MYOM1: variants seen among roughly 807,000 people sequenced by gnomAD.
MYOM1 encodes the protein myomesin-1.
Under a neutral mutation model 205.3 loss-of-function variants are expected in MYOM1, and 164 were observed. The observed-to-expected ratio is 0.80, with a 90% confidence interval of 0.70 to 0.91. MYOM1 has a LOEUF of 0.91. MYOM1 is among the 40% of genes least tolerant of loss of function. The pLI is 0.00. For missense variants in MYOM1, 2,011 were observed against 2,127.3 expected, an observed-to-expected ratio of 0.95 and a Z score of 1.08; for synonymous variants, 772 against 789.4, an observed-to-expected ratio of 0.98 and a Z score of 0.37.
At chr18:3,150,834 A>G (rs2080208022) in intron 12 of MYOM1, among the ~76,000 whole-genome samples, 2 of 152,094 alleles carry the variant, frequency 1.3e-5, no homozygotes, top group Admixed American at 1.3e-4. Context: ...GTTATTATTG[A>G]GACAGGGTCT....
In MYOM1 at chr18:3,094,291, G is replaced by A; in HGVS notation, c.3743C>T (p.Ser1248Leu). The A allele has an allele frequency of 6.2e-7, 1 of 1,601,128 alleles. No homozygotes were observed. The highest frequency in any genetic ancestry group is 8.5e-7 in the Non-Finnish European group (1 of 1,172,782). ...EHKFPTVPVK[S>L]ELAVEILEKG... Reference sequence around the variant, plus strand: ...CTCCAAAATTTCAACTGCCAACTCTGATTTAACTGGGACAGCTATGAAAAG... The same window carrying A: ...CTCCAAAATTTCAACTGCCAACTCTAATTTAACTGGGACAGCTATGAAAAG... Residue 1248 changes from serine to leucine, a missense_variant, in exon 26 of 38, where the codon TCA (serine) becomes TTA (leucine). Transcript: ENST00000356443.
At chr18:3,169,468 T>C (rs1346608813) in intron 8 of MYOM1, among the ~76,000 whole-genome samples, 2 of 152,096 alleles carry the variant, frequency 1.3e-5, no homozygotes, top group Non-Finnish European at 2.9e-5. Context: ...AGCAAAAAAT[T>C]CAAGTAATCC....
rs1256638879 is a variant in MYOM1, at chr18:3,168,813, T to G, written c.1339+4A>C. 4 of 1,613,800 alleles carry G rather than the reference T, an allele frequency of 2.5e-6. No individual in the cohort carries two copies. In the South Asian group the frequency reaches 3.3e-5, roughly 13 times the overall value. On this transcript the variant is annotated splice_donor_region_variant and intron_variant, in intron 9 of 37. Transcript: ENST00000356443. ...CTAAGTGAGCATTCATTGTAAAGACTCACCGTTTCTGTACCACTGGATCTC... is the reference window on the plus strand; with the variant it reads ...CTAAGTGAGCATTCATTGTAAAGACGCACCGTTTCTGTACCACTGGATCTC...
upstream of MYOM1, among the ~76,000 whole-genome samples, chr18:3,220,279 G>C (rs1457044591): frequency 1.3e-5 from 2 of 152,166 alleles, no homozygotes; most frequent in South Asian, 4.1e-4. Context: ...GGACTTCGTG[G>C]AATTTTAATG....
In MYOM1 at chr18:3,218,296, T is replaced by A. The variant is rs180987502; in HGVS notation, c.-29+1507A>T. On this transcript the variant is annotated intron_variant, in intron 1 of 37. Coordinates refer to ENST00000356443, the MANE Select transcript of MYOM1 (RefSeq NM_003803.4). Reference sequence around the variant, plus strand: ...ATCTGTTTTCTCCAAATGTCATTTTTAAAAAAATTCAAAATGAAGAATGAA... The same window carrying A: ...ATCTGTTTTCTCCAAATGTCATTTTAAAAAAAATTCAAAATGAAGAATGAA... Among the ~76,000 whole-genome samples, 17 of 152,372 alleles carry A rather than the reference T, an allele frequency of 1.1e-4. No individual in the cohort carries two copies. In the East Asian group the frequency reaches 2.5e-3, roughly 22 times the overall value.
chr18:3,187,686 T>A (rs1402393896), intron 4 of MYOM1, 49 bp from the exon 5 acceptor site: 1 of 1,493,056 alleles, frequency 6.7e-7, no homozygotes, highest in Non-Finnish European at 9.0e-7. Flanking sequence ...TACCAATAAA[T>A]CAAAGTGAAT....
At chr18:3,075,243 T>G (rs1416230274) in intron 36 of MYOM1, among the ~76,000 whole-genome samples, 1 of 152,168 alleles carries the variant, frequency 6.6e-6, no homozygotes, top group Non-Finnish European at 1.5e-5. Context: ...AAGGGTAGGG[T>G]GACATTCTTT....
intron 19 of MYOM1, among the ~76,000 whole-genome samples, chr18:3,120,970 G>A (rs1375148827): frequency 6.6e-6 from 1 of 152,064 alleles, no homozygotes; most frequent in Non-Finnish European, 1.5e-5. Flanking sequence ...ACAAGAGATG[G>A]AAAATACAGT....
At position 3,076,903 on chromosome 18, in the gene MYOM1, G is replaced by A. The variant is rs142715783; in HGVS notation, c.4649-1142C>T. ...TAATTTTTGTATTTTTTGTAGAGAC[G>A]GGGTTTCACCACATTGGCCAGGATG... On this transcript the variant is annotated intron_variant, in intron 34 of 37. Coordinates refer to ENST00000356443, the MANE Select transcript of MYOM1 (RefSeq NM_003803.4). 9.8e-3 allele frequency among the ~76,000 whole-genome samples: 1,488 copies of A among 151,892 alleles called. 23 individuals are homozygous for A. The highest frequency in any genetic ancestry group is 0.033 in the African/African-American group (1,369 of 41,432).
intron 22 of MYOM1, among the ~76,000 whole-genome samples, chr18:3,103,488 C>A (rs2079409209): frequency 6.6e-6 from 1 of 152,180 alleles, no homozygotes; most frequent in African/African-American, 2.4e-5. Context: ...ACATTCACAT[C>A]TATGCCTAAA....
the MYOM1 span, among the ~76,000 whole-genome samples, chr18:3,242,535 G>T: frequency 2.8e-4 from 42 of 152,258 alleles, no homozygotes; most frequent in African/African-American, 1.0e-3. Context: ...CTGAGATGGA[G>T]TCTTGCTCTG....
intron 2 of MYOM1, among the ~76,000 whole-genome samples, chr18:3,197,691 G>C (rs550721345): frequency 6.6e-5 from 10 of 151,810 alleles, no homozygotes; most frequent in Admixed American, 5.9e-4. Context: ...AGCTAACATG[G>C]TGAAACCCCG....
chr18:3,162,392 A>G (rs9952207), intron 10 of MYOM1, among the ~76,000 whole-genome samples: 31,441 of 151,958 alleles, frequency 0.21, 3,407 homozygotes, highest in East Asian at 0.37. Context: ...TGAACTAGCC[A>G]ATCCTAACTT....
chr18:3,075,614 T>C (rs1356792336), intron 35 of MYOM1, 111 bp downstream of exon 35: 2 of 1,415,352 alleles, frequency 1.4e-6, no homozygotes, highest in East Asian at 4.6e-5. Flanking sequence ...CTGCTTCTAC[T>C]GTACTTTCTG....
Position 3,212,902 on chromosome 18 carries a change from T to C in MYOM1, c.290+2032A>G, listed in dbSNP as rs2081208389. 1.3e-5 allele frequency among the ~76,000 whole-genome samples: 2 copies of C among 152,236 alleles called. 1 individual carries two copies. The highest frequency in any genetic ancestry group is 4.1e-4 in the South Asian group (2 of 4,836). ...TCACCTCAGTGACAGTATTTCCCTA[T>C]CTGCAGCCAATGTGTGATCCTTATG... On this transcript the variant is annotated intron_variant, in intron 2 of 37. Transcript: ENST00000356443.
At chr18:3,131,586 A>G in intron 16 of MYOM1, 90 bp from the exon 17 acceptor site, 1 of 1,150,160 alleles carries the variant, frequency 8.7e-7, no homozygotes, top group Non-Finnish European at 1.2e-6. Flanking sequence ...TGGCTTTATG[A>G]AAACAATTCT....
Position 3,129,524 on chromosome 18 carries a change from A to G in MYOM1, c.2507-5T>C. 6.2e-7 allele frequency: 1 copy of G among 1,603,506 alleles called. No individual in the cohort carries two copies. Among genetic ancestry groups the G allele is most frequent in the South Asian group, 1.1e-5 (1 of 89,778 alleles). ...CATCTGGAGACACTCCTCCCCCTAC[A>G]GTTGCCAGACAACAACAGAAACGCA... On this transcript the variant is annotated splice_region_variant and splice_polypyrimidine_tract_variant and intron_variant, in intron 17 of 37. Coordinates refer to ENST00000356443, the MANE Select transcript of MYOM1 (RefSeq NM_003803.4).
intron 13 of MYOM1, among the ~76,000 whole-genome samples, chr18:3,148,859 A>G (rs2080174343): frequency 1.3e-5 from 2 of 149,588 alleles, no homozygotes; most frequent in African/African-American, 2.5e-5. Context: ...AAAAAAAAAA[A>G]AAAAAAAAAA....
Position 3,209,835 on chromosome 18 carries a change from T to C in MYOM1, c.290+5099A>G, listed in dbSNP as rs188191241. ...ATCTCTCTTACCCTGCTCTGTTTCT[T>C]ATTGTTTCTATAACATGTATTACCT... On this transcript the variant is annotated intron_variant, in intron 2 of 37. Transcript: ENST00000356443. The surrounding 1 kb of genome is among the most constrained non-coding windows in gnomAD (Gnocchi z 4.0). Among the ~76,000 whole-genome samples the C allele has an allele frequency of 1.3e-5, 2 of 152,368 alleles. No individual in the cohort carries two copies. Among genetic ancestry groups the C allele is most frequent in the Admixed American group, 1.3e-4 (2 of 15,310 alleles).
Sources: gnomAD v4.1 joint callset for allele counts (sites outside exome capture counted in the v4.1 genomes callset) on GRCh38, gnomAD v4.1.1 for gene constraint, Gnocchi (gnomAD v3.1) non-coding constraint, MANE v1.5 for transcripts, NCBI Gene and HGNC (gene_info 2026-07-23, HGNC 2026-07-21) for gene names.